Variants in TMTC2 observed in about 807,000 individuals in gnomAD.
The protein encoded by TMTC2 is transmembrane O-mannosyltransferase targeting cadherins 2, also known as protein O-mannosyl-transferase TMTC2.
In TMTC2, 43 loss-of-function variants were observed where a neutral mutation model predicts 82.4. The observed-to-expected ratio is 0.52, with a 90% confidence interval of 0.41 to 0.67. TMTC2 has a LOEUF of 0.67. Among genes scored for constraint, TMTC2 ranks in the 30% least tolerant of loss-of-function variants. The pLI, the probability that TMTC2 is intolerant of heterozygous loss-of-function variation, is 0.00. For missense variants in TMTC2, 919 were observed against 1,012.4 expected (o/e 0.91, Z 1.25); for synonymous variants, 408 against 381.9 (o/e 1.07, Z -0.80).
intron 3 of TMTC2, among the ~76,000 whole-genome samples, chr12:82,929,129 C>T (rs148409111): frequency 1.1e-4 from 16 of 152,056 alleles, no homozygotes; most frequent in South Asian, 4.2e-4. Context: ...GGCTTGAGTG[C>T]GGTGGCGTGA....
At chr12:83,094,307 T>C (rs1412017022) in intron 11 of TMTC2, among the ~76,000 whole-genome samples, 1 of 152,214 alleles carries the variant, frequency 6.6e-6, no homozygotes, top group Non-Finnish European at 1.5e-5. Context: ...AACCAAGCAA[T>C]ACCTGCTCTG....
intron 11 of TMTC2, among the ~76,000 whole-genome samples, chr12:83,091,887 T>C (rs188320633): frequency 6.6e-6 from 1 of 152,346 alleles, no homozygotes; most frequent in East Asian, 1.9e-4. Context: ...GAGATTGTGT[T>C]ACAGCTATTA....
chr12:82,798,649 A>G (rs936660180), intron 1 of TMTC2, among the ~76,000 whole-genome samples: 4 of 151,378 alleles, frequency 2.6e-5, no homozygotes, highest in African/African-American at 4.9e-5. Flanking sequence ...TCTACTAAAT[A>G]TAGAAAAATT....
At chr12:83,032,493 T>G (rs1345098669) in intron 9 of TMTC2, among the ~76,000 whole-genome samples, 1 of 151,518 alleles carries the variant, frequency 6.6e-6, no homozygotes, top group Non-Finnish European at 1.5e-5. Context: ...GTAGCGGGTA[T>G]TTCTCCCATG....
chr12:82,911,252 G>A (rs1051595827), intron 3 of TMTC2, among the ~76,000 whole-genome samples: 4 of 152,024 alleles, frequency 2.6e-5, no homozygotes, highest in Non-Finnish European at 4.4e-5. Flanking sequence ...GCAACATTTG[G>A]GCAGGAAGGC....
intron 1 of TMTC2, among the ~76,000 whole-genome samples, chr12:82,731,671 TGG>T (rs985359795): frequency 5.9e-5 from 9 of 152,192 alleles, no homozygotes; most frequent in African/African-American, 2.2e-4. Context: ...AAGAAAAATA[TGG>T]GATACAGCAA....
chr12:82,812,494 A>T (rs754142610), intron 1 of TMTC2, among the ~76,000 whole-genome samples: 3 of 152,148 alleles, frequency 2.0e-5, no homozygotes, highest in African/African-American at 7.2e-5. Flanking sequence ...GGGTTATTTA[A>T]GGTGACATCT....
intron 11 of TMTC2, among the ~76,000 whole-genome samples, chr12:83,088,214 C>T (rs1883726138): frequency 6.6e-6 from 1 of 152,166 alleles, no homozygotes; most frequent in Non-Finnish European, 1.5e-5. Context: ...TTTTAGCCTT[C>T]ATAGAATTAA....
At chr12:83,083,209 A>G (rs536441860) in intron 11 of TMTC2, among the ~76,000 whole-genome samples, 1 of 152,210 alleles carries the variant, frequency 6.6e-6, no homozygotes, top group Non-Finnish European at 1.5e-5. Context: ...AAACAGAATG[A>G]ATTTTAAAGA....
intron 4 of TMTC2, among the ~76,000 whole-genome samples, chr12:82,958,680 C>G (rs958659425): frequency 1.3e-5 from 2 of 151,868 alleles, no homozygotes; most frequent in African/African-American, 2.4e-5. Context: ...GGGAACAAAC[C>G]TCAACATATT....
At chr12:82,991,154 C>G (rs904093467) in intron 8 of TMTC2, among the ~76,000 whole-genome samples, 4 of 152,118 alleles carry the variant, frequency 2.6e-5, no homozygotes, top group Non-Finnish European at 5.9e-5. Context: ...CATTTCACTA[C>G]TAAACAGTAG....
chr12:82,916,865 A>G (rs965139090), intron 3 of TMTC2, among the ~76,000 whole-genome samples: 6 of 152,236 alleles, frequency 3.9e-5, no homozygotes, highest in Non-Finnish European at 7.3e-5. Flanking sequence ...TCCTGTAATT[A>G]GAATTACATA....
intron 9 of TMTC2, among the ~76,000 whole-genome samples, chr12:83,040,828 G>T (rs1881863773): frequency 6.6e-6 from 1 of 151,946 alleles, no homozygotes; most frequent in African/African-American, 2.4e-5. Flanking sequence ...GGGACTACAG[G>T]TGCCCGCCAC....
At chr12:83,011,560 C>T (rs1880460305) in intron 8 of TMTC2, among the ~76,000 whole-genome samples, 1 of 152,136 alleles carries the variant, frequency 6.6e-6, no homozygotes, top group African/African-American at 2.4e-5. Flanking sequence ...TAACTGTACT[C>T]GTTCAGCCTT....
intron 1 of TMTC2, among the ~76,000 whole-genome samples, chr12:82,765,707 AAACAAAC>A (rs1011360556): frequency 0.012 from 1,854 of 150,630 alleles, 44 homozygotes; most frequent in African/African-American, 0.042. Context: ...CAAAACAAAC[AAACAAAC>A]AAAAAAAAAC....
chr12:82,964,188 A>T (rs2137301075), intron 4 of TMTC2, among the ~76,000 whole-genome samples: 1 of 151,954 alleles, frequency 6.6e-6, no homozygotes, highest in African/African-American at 2.4e-5. Context: ...TTACAAGAGA[A>T]TGGGGATAGG....
intron 1 of TMTC2, among the ~76,000 whole-genome samples, chr12:82,704,011 T>A (rs74106270): frequency 0.047 from 7,081 of 152,274 alleles, 307 homozygotes; most frequent in East Asian, 0.12. Flanking sequence ...AATGCTATAA[T>A]CATAGTAAAT....
chr12:82,763,872 A>G (rs760315102), intron 1 of TMTC2, among the ~76,000 whole-genome samples: 12 of 152,348 alleles, frequency 7.9e-5, no homozygotes, highest in South Asian at 2.1e-4. Context: ...AGCTTCTCAA[A>G]TCATTTTATG....
intron 1 of TMTC2, among the ~76,000 whole-genome samples, chr12:82,713,768 A>G (rs1249683421): frequency 2.0e-5 from 3 of 152,214 alleles, no homozygotes; most frequent in Admixed American, 1.3e-4. Flanking sequence ...CTGGCTTCTC[A>G]TAGTATTTTC....
Sources: allele counts gnomAD v4.1 joint callset (sites outside exome capture counted in the v4.1 genomes callset), GRCh38; gene constraint gnomAD v4.1.1; transcripts MANE v1.5; gene names NCBI Gene and HGNC (gene_info 2026-07-23, HGNC 2026-07-21).